Variants in MED13L observed in about 807,000 individuals in gnomAD.
The protein encoded by MED13L is mediator of RNA polymerase II transcription subunit 13-like.
MED13L carries 7 observed loss-of-function variants against 220.9 expected under a neutral mutation model. The observed-to-expected ratio is 0.03, with a 90% CI of 0.02 to 0.06. The LOEUF (loss-of-function observed/expected upper bound fraction) is 0.06, where lower values mean the gene tolerates loss of function less well. Ranked by LOEUF, MED13L falls within the 10% of genes least tolerant of loss-of-function variation. The probability of loss-of-function intolerance (pLI) is 1.00; values close to 1 mark genes in which losing one functional copy is unlikely to be tolerated. For synonymous variants in MED13L, 1,011 were observed against 1,015.2 expected, an observed-to-expected ratio of 1.00 and a Z score of 0.08; for missense variants, 1,965 against 2,760.5, an observed-to-expected ratio of 0.71 and a Z score of 6.46.
At chr12:115,970,518 C>A in intron 27 of MED13L, 76 bp downstream of exon 27, 3 of 1,481,656 alleles carry the variant, frequency 2.0e-6, no homozygotes, top group Non-Finnish European at 2.8e-6. Context: ...AAAAGCCATG[C>A]GGCAGCCCAG....
chr12:116,231,004 A>G (rs1330621522), intron 2 of MED13L, among the ~76,000 whole-genome samples: 1 of 152,210 alleles, frequency 6.6e-6, no homozygotes, highest in Non-Finnish European at 1.5e-5. Flanking sequence ...TGACATTGCC[A>G]TTATAATTTG....
intron 2 of MED13L, among the ~76,000 whole-genome samples, chr12:116,147,407 T>C (rs971764109): frequency 6.6e-6 from 1 of 152,234 alleles, no homozygotes; most frequent in African/African-American, 2.4e-5. Context: ...CAGACAGTTT[T>C]ATAGTATCAG....
intron 4 of MED13L, among the ~76,000 whole-genome samples, chr12:116,080,773 T>A (rs1871184273): frequency 6.6e-6 from 1 of 152,212 alleles, no homozygotes. Context: ...GGCATATACA[T>A]CCTGTTAACA....
chr12:116,254,822 C>G (rs1593216142), intron 1 of MED13L, among the ~76,000 whole-genome samples: 1 of 152,086 alleles, frequency 6.6e-6, no homozygotes, highest in African/African-American at 2.4e-5. Context: ...ACACAACTTA[C>G]TTAGGAATAT....
chr12:115,965,249 A>G (rs1565982188), intron 29 of MED13L, among the ~76,000 whole-genome samples: 1 of 152,220 alleles, frequency 6.6e-6, no homozygotes, highest in Non-Finnish European at 1.5e-5. Flanking sequence ...ATTTTGTTGT[A>G]GATGATTAAT....
chr12:116,207,125 A>C (rs1882386759), intron 2 of MED13L, among the ~76,000 whole-genome samples: 1 of 152,148 alleles, frequency 6.6e-6, no homozygotes, highest in African/African-American at 2.4e-5. Flanking sequence ...TGGTGGTCCC[A>C]TAATATAATA....
intron 3 of MED13L, among the ~76,000 whole-genome samples, chr12:116,103,932 A>C (rs1309853687): frequency 6.6e-6 from 1 of 150,512 alleles, no homozygotes; most frequent in Non-Finnish European, 1.5e-5. Context: ...AGGGCGGTAC[A>C]TCCCACCATG....
At chr12:116,218,085 G>A (rs1883107821) in intron 2 of MED13L, among the ~76,000 whole-genome samples, 1 of 152,116 alleles carries the variant, frequency 6.6e-6, no homozygotes, top group Non-Finnish European at 1.5e-5. Flanking sequence ...AACATAAAGA[G>A]ATTCAATAGC....
At chr12:116,262,411 G>C (rs769399185) in intron 1 of MED13L, among the ~76,000 whole-genome samples, 35 of 152,106 alleles carry the variant, frequency 2.3e-4, no homozygotes, top group Non-Finnish European at 4.0e-4. Context: ...TCTAAAATGG[G>C]TGTTAACATA....
At position 115,963,428 on chromosome 12, in the gene MED13L, T is replaced by G; in HGVS notation, c.6479A>C (p.Lys2160Thr). 1 of 1,613,636 alleles carries G rather than the reference T, an allele frequency of 6.2e-7. No individual in the cohort carries two copies. Among genetic ancestry groups the G allele is most frequent in the Non-Finnish European group, 8.5e-7 (1 of 1,179,480 alleles). ...SQRVPHPLDS[K>T]TTSDVLRFVL... is the part of the protein sequence containing the mutation. ...CTACCTTAAAACATCCGACGTGGTTTTGGAGTCAAGAGGGTGTGGAACCCG... is the reference window on the plus strand; with the variant it reads ...CTACCTTAAAACATCCGACGTGGTTGTGGAGTCAAGAGGGTGTGGAACCCG... Residue 2160 changes from lysine to threonine, a missense_variant, in exon 30 of 31, where the codon AAA becomes ACA. Lys to Thr is a moderately conservative substitution (Grantham distance 78). Around this residue, in one of 10 missense-constraint regions of MED13L, gnomAD observed 145 missense variants for 328.3 expected, o/e 0.44. Coordinates refer to ENST00000281928, the MANE Select transcript of MED13L (RefSeq NM_015335.5).
intron 21 of MED13L, 101 bp downstream of exon 21, chr12:115,983,016 A>T: frequency 1.5e-6 from 2 of 1,304,142 alleles, no homozygotes; most frequent in Non-Finnish European, 2.2e-6. Context: ...AGCACTTCAT[A>T]GGATTCACAG....
At chr12:116,019,633 C>T in intron 6 of MED13L, 145 bp downstream of exon 6, 1 of 1,116,356 alleles carries the variant, frequency 9.0e-7, no homozygotes, top group East Asian at 2.6e-5. Flanking sequence ...GGCAAGATAA[C>T]TACTCAGTAC....
At chr12:116,096,621 C>T (rs1872661117) in intron 4 of MED13L, 48 bp downstream of exon 4, 2 of 1,424,266 alleles carry the variant, frequency 1.4e-6, no homozygotes, top group Non-Finnish European at 2.0e-6. Context: ...GTTCACCCAC[C>T]CACAAGGCCA....
At chr12:116,020,683 T>G (rs1359408087) in intron 5 of MED13L, among the ~76,000 whole-genome samples, 1 of 152,200 alleles carries the variant, frequency 6.6e-6, no homozygotes, top group Non-Finnish European at 1.5e-5. Flanking sequence ...CTTTCAGTAT[T>G]TGACCTTGAT....
intron 14 of MED13L, among the ~76,000 whole-genome samples, chr12:116,000,982 T>C (rs1566002693): frequency 6.6e-6 from 1 of 152,170 alleles, no homozygotes; most frequent in Non-Finnish European, 1.5e-5. Flanking sequence ...AACCATTATA[T>C]ATTACATTTT....
intron 2 of MED13L, among the ~76,000 whole-genome samples, chr12:116,164,619 T>C (rs1170476862): frequency 1.3e-5 from 2 of 152,114 alleles, no homozygotes; most frequent in African/African-American, 2.4e-5. Context: ...AGGACACTAG[T>C]TTTCCACTAT....
In MED13L at chr12:116,108,123, C is replaced by A. The variant is rs577864724; in HGVS notation, c.395+3305G>T. Among the ~76,000 whole-genome samples, 255 of 151,010 alleles carry A rather than the reference C, an allele frequency of 1.7e-3. 3 individuals are homozygous for A. Among genetic ancestry groups the A allele is most frequent in the African/African-American group, 5.3e-3 (220 of 41,208 alleles). ...CAAACAAACAAACAAAAAAAAAAAA[C>A]CCCTCAGTTCTAGCTTTCAAGCCAG... On this transcript the variant is annotated intron_variant, in intron 3 of 30. Transcript: ENST00000281928.
chr12:116,020,382 C>G (rs928261219), intron 5 of MED13L, among the ~76,000 whole-genome samples: 2 of 152,146 alleles, frequency 1.3e-5, no homozygotes, highest in Admixed American at 6.5e-5. Flanking sequence ...ATAGCCTGTA[C>G]AATGTAAACA....
intron 2 of MED13L, among the ~76,000 whole-genome samples, chr12:116,198,383 C>T (rs1252177073): frequency 1.3e-5 from 2 of 152,098 alleles, no homozygotes; most frequent in African/African-American, 4.8e-5. Flanking sequence ...TCTTGTGTTT[C>T]CTGCTTAGAG....
Sources: gnomAD v4.1 joint callset for allele counts (sites outside exome capture counted in the v4.1 genomes callset) on GRCh38, gnomAD v4.1.1 for gene constraint, gnomAD v4.1.1 regional missense constraint, MANE v1.5 for transcripts, NCBI Gene and HGNC (gene_info 2026-07-23, HGNC 2026-07-21) for gene names.